The following PLAUR variants were observed in gnomAD, a reference collection of about 807,000 sequenced individuals.
PLAUR encodes urokinase plasminogen activator surface receptor.
In PLAUR, 22 loss-of-function variants were observed where a neutral mutation model predicts 33.4. That is an observed-to-expected ratio of 0.66 (90% CI 0.47 to 0.94). The LOEUF (loss-of-function observed/expected upper bound fraction) is 0.94, where lower values mean the gene tolerates loss of function less well. Ranked by LOEUF, PLAUR falls within the 40% of genes least tolerant of loss-of-function variation. PLAUR has a pLI of 0.00. For missense variants in PLAUR, 408 were observed against 434.7 expected, an observed-to-expected ratio of 0.94 and a Z score of 0.55; for synonymous variants, 148 against 167.3, an observed-to-expected ratio of 0.88 and a Z score of 0.89.
chr19:43,656,375 T>C (rs763915873), intron 4 of PLAUR, 104 bp downstream of exon 4: 182 of 1,070,706 alleles, frequency 1.7e-4, no homozygotes, highest in Middle Eastern at 1.1e-3. Flanking sequence ...ATGAGAGAAC[T>C]TAGTCCCTTG....
chr19:43,664,062 G>C (rs1018574527), intron 3 of PLAUR, among the ~76,000 whole-genome samples: 2 of 151,934 alleles, frequency 1.3e-5, no homozygotes, highest in African/African-American at 4.8e-5. Flanking sequence ...AAATATTTTC[G>C]CTATCATCTC....
At chr19:43,667,759 G>C (rs2146290879) in intron 1 of PLAUR, 68 bp from the exon 2 acceptor site, 1 of 1,569,766 alleles carries the variant, frequency 6.4e-7, no homozygotes. Context: ...GCTCACCCCT[G>C]CATGTCCCAA....
intron 5 of PLAUR, among the ~76,000 whole-genome samples, chr19:43,653,314 T>C (rs913814824): frequency 6.6e-6 from 1 of 152,118 alleles, no homozygotes; most frequent in South Asian, 2.1e-4. Context: ...TGCTGGGTAA[T>C]AGAGACAGGG....
chr19:43,651,555 C>T (rs1045489916), intron 6 of PLAUR, among the ~76,000 whole-genome samples: 1 of 151,926 alleles, frequency 6.6e-6, no homozygotes, highest in African/African-American at 2.4e-5. Flanking sequence ...GTGCCTCAGC[C>T]CCCTGAGTAG....
At chr19:43,650,321 GTTGT>G (rs1397986678) in intron 6 of PLAUR, among the ~76,000 whole-genome samples, 1 of 141,454 alleles carries the variant, frequency 7.1e-6, no homozygotes, top group East Asian at 2.2e-4. Context: ...TTTTTTTTTT[GTTGT>G]TTCTTTGTTT....
At chr19:43,655,213 T>G (rs4251887) in intron 5 of PLAUR, among the ~76,000 whole-genome samples, 9,665 of 148,782 alleles carry the variant, frequency 0.065, 375 homozygotes, top group Middle Eastern at 0.19. Context: ...TGAGGCGAAG[T>G]TTACAGTGAG....
chr19:43,650,164 C>T (rs1443468747), intron 6 of PLAUR, among the ~76,000 whole-genome samples: 1 of 151,396 alleles, frequency 6.6e-6, no homozygotes, highest in Admixed American at 6.6e-5. Context: ...GGCGCGACCA[C>T]CATGCCCAGC....
chr19:43,651,988 G>C, intron 6 of PLAUR: 1 of 1,262,398 alleles, frequency 7.9e-7, no homozygotes, highest in Non-Finnish European at 1.0e-6. Flanking sequence ...AAAGTGCTGA[G>C]AGTACAAGCT....
chr19:43,647,410 T>A (rs1386279843), downstream of PLAUR, among the ~76,000 whole-genome samples: 1 of 152,210 alleles, frequency 6.6e-6, no homozygotes, highest in Non-Finnish European at 1.5e-5. Context: ...AATGTGGGGA[T>A]GTCTCCTTAG....
At chr19:43,652,125 A>G (rs1229155012) in intron 6 of PLAUR, 100 bp downstream of exon 6, 2 of 1,556,978 alleles carry the variant, frequency 1.3e-6, no homozygotes, top group African/African-American at 2.7e-5. Context: ...TTCCACAGGG[A>G]GACCCACCAC....
intron 2 of PLAUR, among the ~76,000 whole-genome samples, chr19:43,665,923 C>T (rs1967221836): frequency 6.6e-6 from 1 of 151,572 alleles, no homozygotes; most frequent in South Asian, 2.1e-4. Context: ...CTTGGCCTCC[C>T]AAAGTGCTGG....
intron 3 of PLAUR, among the ~76,000 whole-genome samples, chr19:43,657,963 G>T (rs4251867): frequency 0.067 from 10,195 of 152,118 alleles, 417 homozygotes; most frequent in Middle Eastern, 0.19. Flanking sequence ...AGCATTTTGG[G>T]AGGCCGAGGT....
intron 2 of PLAUR, 152 bp downstream of exon 2, chr19:43,667,429 T>C (rs1225288943): frequency 3.2e-6 from 2 of 631,922 alleles, no homozygotes; most frequent in East Asian, 2.7e-5. Context: ...TTGTCAGATT[T>C]TTAAATGCTT....
At chr19:43,670,039 C>A (rs757706098) in intron 1 of PLAUR, 27 bp downstream of exon 1, 10 of 1,611,118 alleles carry the variant, frequency 6.2e-6, no homozygotes, top group African/African-American at 1.3e-5. Context: ...CTGTTCCAGG[C>A]GCAGGCGTTC....
intron 3 of PLAUR, among the ~76,000 whole-genome samples, chr19:43,660,153 C>CGTTTTGTTTTGTTTTGTTTTGTTTT (rs10524578): frequency 1.3e-5 from 2 of 148,244 alleles, no homozygotes; most frequent in Non-Finnish European, 3.0e-5. Context: ...CAGAGTCTTG[C>CGTTTTGTTTTGTTTTGTTTTGTTTT]GTTTTGTTTT....
Position 43,665,524 on chromosome 19 carries a change from T to G in PLAUR, c.167-65A>C. 6 of 1,557,094 alleles carry G rather than the reference T, an allele frequency of 3.9e-6. No homozygotes were observed. In the South Asian group the frequency reaches 6.7e-5, roughly 17 times the overall value. ...CAGCTCAACCAGCCTCTGACACTCC[T>G]GGTCTCAAGGTCATCCACTCCCAGG... On this transcript the variant is annotated intron_variant, in intron 2 of 6. Coordinates refer to ENST00000340093, the MANE Select transcript of PLAUR (RefSeq NM_002659.4).
intron 5 of PLAUR, among the ~76,000 whole-genome samples, chr19:43,653,921 C>T (rs893820366): frequency 5.9e-5 from 9 of 151,878 alleles, no homozygotes; most frequent in East Asian, 1.9e-4. Flanking sequence ...GTCAGGAGAT[C>T]GAGATCATCC....
chr19:43,668,466 C>T (rs1175249821), intron 1 of PLAUR: 1 of 194,006 alleles, frequency 5.2e-6, no homozygotes, highest in Non-Finnish European at 9.3e-6. Flanking sequence ...GTCCCTCCCT[C>T]TAGCTCCTCC....
chr19:43,646,519 A>G (rs1348646590), downstream of PLAUR: 1 of 717,910 alleles, frequency 1.4e-6, no homozygotes, highest in Non-Finnish European at 2.6e-6. Context: ...GTACTTTTAC[A>G]TGGCAACCAG....
Sources: allele counts gnomAD v4.1 joint callset (sites outside exome capture counted in the v4.1 genomes callset), GRCh38; gene constraint gnomAD v4.1.1; transcripts MANE v1.5; gene names NCBI Gene and HGNC (gene_info 2026-07-23, HGNC 2026-07-21).